ZCCHC7: variants seen among roughly 807,000 people sequenced by gnomAD.
ZCCHC7 encodes the protein zinc finger CCHC-type containing 7.
ZCCHC7 carries 35 observed loss-of-function variants against 52.0 expected under a neutral mutation model. That is an observed-to-expected ratio of 0.67 (90% CI 0.51 to 0.89). The LOEUF (loss-of-function observed/expected upper bound fraction) is 0.89, where lower values mean the gene tolerates loss of function less well. Among genes scored for constraint, ZCCHC7 ranks in the 40% least tolerant of loss-of-function variants. The pLI is 0.00. For missense variants in ZCCHC7, 574 were observed against 649.1 expected, an observed-to-expected ratio of 0.88 and a Z score of 1.26; for synonymous variants, 217 against 221.5, an observed-to-expected ratio of 0.98 and a Z score of 0.18.
chr9:37,344,229 C>A (rs1588699618), intron 6 of ZCCHC7, among the ~76,000 whole-genome samples: 1 of 152,092 alleles, frequency 6.6e-6, no homozygotes. Flanking sequence ...GAACATAGAC[C>A]TTTTCAGAGA....
chr9:37,222,221 A>G (rs1214907461), intron 2 of ZCCHC7, among the ~76,000 whole-genome samples: 1 of 151,994 alleles, frequency 6.6e-6, no homozygotes, highest in Non-Finnish European at 1.5e-5. Flanking sequence ...AAATTAAAAA[A>G]AAAAACAAAT....
At chr9:37,250,545 G>A (rs985791865) in intron 2 of ZCCHC7, among the ~76,000 whole-genome samples, 10 of 152,018 alleles carry the variant, frequency 6.6e-5, no homozygotes, top group South Asian at 4.2e-4. Context: ...CAGGTGATCC[G>A]TCTGCCTCTG....
At chr9:37,209,999 T>C (rs531177873) in intron 2 of ZCCHC7, among the ~76,000 whole-genome samples, 2 of 152,224 alleles carry the variant, frequency 1.3e-5, no homozygotes, top group African/African-American at 4.8e-5. Flanking sequence ...TTTCTGTTTC[T>C]TCTTCCTGTT....
Position 37,281,265 on chromosome 9 carries a change from C to T in ZCCHC7, c.611-20923C>T, listed in dbSNP as rs1827945292. On this transcript the variant is annotated intron_variant, in intron 2 of 8. Transcript: ENST00000336755. The stretch of plus-strand genomic sequence containing the variant: ...TCCTGGGCTCAAGTGATCCTCCTGC[C>T]TCGGCCTCCCACAGTGCTGGGATTA... Among the ~76,000 whole-genome samples the T allele has an allele frequency of 6.6e-5, 10 of 152,216 alleles. No homozygotes were observed. The South Asian group carries it at 2.1e-3, about 31-fold the overall frequency.
chr9:37,319,490 C>T (rs1034432746), intron 5 of ZCCHC7, among the ~76,000 whole-genome samples: 1 of 152,068 alleles, frequency 6.6e-6, no homozygotes, highest in Non-Finnish European at 1.5e-5. Context: ...TGTAGTGGTG[C>T]AATCTCGGCT....
intron 2 of ZCCHC7, among the ~76,000 whole-genome samples, chr9:37,148,505 C>T (rs1843540863): frequency 6.6e-6 from 1 of 152,022 alleles, no homozygotes; most frequent in Admixed American, 6.6e-5. Context: ...TCCTAGGGTC[C>T]ATTTGTAGGG....
intron 2 of ZCCHC7, among the ~76,000 whole-genome samples, chr9:37,170,228 A>G (rs1017991378): frequency 6.6e-6 from 1 of 152,158 alleles, no homozygotes; most frequent in African/African-American, 2.4e-5. Context: ...TGTGTTTCTG[A>G]TGTCTTAGAA....
intron 2 of ZCCHC7, among the ~76,000 whole-genome samples, chr9:37,164,586 AG>A (rs1821317973): frequency 6.6e-6 from 1 of 152,036 alleles, no homozygotes; most frequent in Non-Finnish European, 1.5e-5. Flanking sequence ...GAGAAAGAAA[AG>A]AAAAGAAGAA....
At chr9:37,212,179 G>GCT (rs1824277964) in intron 2 of ZCCHC7, among the ~76,000 whole-genome samples, 1 of 151,734 alleles carries the variant, frequency 6.6e-6, no homozygotes, top group Admixed American at 6.6e-5. Flanking sequence ...GGCGGAGGAG[G>GCT]CACTACTGGC....
intron 2 of ZCCHC7, among the ~76,000 whole-genome samples, chr9:37,246,391 T>C (rs1826082214): frequency 6.6e-6 from 1 of 152,014 alleles, no homozygotes; most frequent in South Asian, 2.1e-4. Context: ...TCCACAAGGG[T>C]CTTCAGGGCT....
chr9:37,155,345 G>T (rs1034490183), intron 2 of ZCCHC7, among the ~76,000 whole-genome samples: 4 of 150,672 alleles, frequency 2.7e-5, no homozygotes, highest in African/African-American at 9.8e-5. Context: ...GACAGAGCGA[G>T]ACTCCGTCTC....
At chr9:37,157,199 A>G (rs1820860856) in intron 2 of ZCCHC7, among the ~76,000 whole-genome samples, 1 of 55,798 alleles carries the variant, frequency 1.8e-5, no homozygotes, top group Non-Finnish European at 3.7e-5. Context: ...ACTTAGTTGA[A>G]AAAAAAAAAA....
At chr9:37,344,169 A>G (rs1820809318) in intron 6 of ZCCHC7, among the ~76,000 whole-genome samples, 3 of 152,208 alleles carry the variant, frequency 2.0e-5, no homozygotes, top group African/African-American at 4.8e-5. Context: ...AAATTAAAAG[A>G]TAAGTTATGT....
intron 2 of ZCCHC7, among the ~76,000 whole-genome samples, chr9:37,249,947 C>T (rs1826246978): frequency 6.6e-6 from 1 of 152,154 alleles, no homozygotes; most frequent in Admixed American, 6.5e-5. Context: ...CTCTTCCTGC[C>T]TAACTCGTAG....
chr9:37,327,935 A>G, intron 6 of ZCCHC7, 101 bp downstream of exon 6: 3 of 1,283,278 alleles, frequency 2.3e-6, no homozygotes, highest in Admixed American at 3.8e-5. Flanking sequence ...CTGCTGGAAG[A>G]TAATAAACAT....
At chr9:37,147,180 G>A (rs1234605567) in intron 2 of ZCCHC7, among the ~76,000 whole-genome samples, 2 of 151,762 alleles carry the variant, frequency 1.3e-5, no homozygotes, top group Non-Finnish European at 2.9e-5. Context: ...AGTTAGCCCC[G>A]ATAATTTCTA....
intron 2 of ZCCHC7, among the ~76,000 whole-genome samples, chr9:37,200,829 C>A (rs1823592261): frequency 6.6e-6 from 1 of 152,222 alleles, no homozygotes; most frequent in African/African-American, 2.4e-5. Context: ...TTCTTCCCTT[C>A]CCCTGTGACT....
At chr9:37,267,523 A>G (rs1328331613) in intron 2 of ZCCHC7, among the ~76,000 whole-genome samples, 1 of 150,132 alleles carries the variant, frequency 6.7e-6, no homozygotes, top group Non-Finnish European at 1.5e-5. Context: ...CTCCCACCTC[A>G]GCCTCCTGGG....
chr9:37,194,500 A>T (rs193243849), intron 2 of ZCCHC7, among the ~76,000 whole-genome samples: 8 of 152,312 alleles, frequency 5.3e-5, no homozygotes, highest in African/African-American at 1.4e-4. Context: ...TGAACAGATA[A>T]TAGAGAGTGT....
Sources: gnomAD v4.1 joint callset for allele counts (sites outside exome capture counted in the v4.1 genomes callset) on GRCh38, gnomAD v4.1.1 for gene constraint, MANE v1.5 for transcripts, NCBI Gene and HGNC (gene_info 2026-07-23, HGNC 2026-07-21) for gene names.